MCTP2: variants seen among roughly 807,000 people sequenced by gnomAD.
MCTP2 encodes multiple C2 and transmembrane domain-containing protein 2.
Under a neutral mutation model 111.6 loss-of-function variants are expected in MCTP2, and 132 were observed. The observed-to-expected ratio is 1.18, with a 90% CI of 1.03 to 1.37. The LOEUF is 1.37. MCTP2 is among the 40% of genes most tolerant of loss of function. The pLI, the probability that MCTP2 is intolerant of heterozygous loss-of-function variation, is 0.00. For missense variants in MCTP2, 1,183 were observed against 1,067.9 expected (o/e 1.11, Z -1.50); for synonymous variants, 395 against 387.7 (o/e 1.02, Z -0.22).
rs553698896 is a variant in MCTP2, at chr15:94,418,485, G to A, written c.2085+16466G>A. Among the ~76,000 whole-genome samples the A allele has an allele frequency of 7.9e-5, 12 of 152,142 alleles. No individual in the cohort carries two copies. The South Asian group carries it at 2.5e-3, about 31-fold the overall frequency. On this transcript the variant is annotated intron_variant, in intron 17 of 22. Transcript: ENST00000357742. ...TTCAACTGCTCAATTACCACCTTCT[G>A]CAAAGACGTATAATGAGAAATTTAT...
rs538030688 is a variant in MCTP2 at position 94,243,157 on chromosome 15, G to A, written c.-66+11493G>A. On this transcript the variant is annotated intron_variant, in intron 1 of 22. Coordinates refer to ENST00000357742, the MANE Select transcript of MCTP2 (RefSeq NM_001385001.1). The stretch of plus-strand genomic sequence containing the variant: ...GGTGTGGATATATTTATATACGTGT[G>A]TGTATATACATACGTACGTATGTAC... 6.0e-4 allele frequency among the ~76,000 whole-genome samples: 88 copies of A among 147,430 alleles called. 3 individuals are homozygous for A. The highest frequency in any genetic ancestry group is 2.2e-3 in the African/African-American group (87 of 40,176).
chr15:94,389,316 G>C (rs2080723509), intron 14 of MCTP2, among the ~76,000 whole-genome samples: 1 of 152,028 alleles, frequency 6.6e-6, no homozygotes, highest in Non-Finnish European at 1.5e-5. Flanking sequence ...GGGAGCTCAG[G>C]GTGGGCATGG....
At chr15:94,316,868 C>T (rs184485841) in intron 4 of MCTP2, among the ~76,000 whole-genome samples, 75 of 152,068 alleles carry the variant, frequency 4.9e-4, no homozygotes, top group African/African-American at 1.4e-3. Flanking sequence ...GACGGTTTCT[C>T]CTGTTGCTTC....
rs1334220871 is a variant in MCTP2, at chr15:94,384,108, A to C, written c.1669A>C (p.Asn557His). The part of the protein sequence containing the change: ...TVYKNLNPEW[N>H]KVFTFPIKDI... ...CTACAAAAACCTCAACCCTGAATGG[A>C]ACAAAGTTTTTACATTGTAAGTGCT... The change falls in exon 13 of 23, where the codon AAC becomes CAC. Residue 557 changes from asparagine to histidine, a missense_variant. Transcript: ENST00000357742. The C allele has an allele frequency of 3.1e-6, 5 of 1,613,070 alleles. No individual in the cohort carries two copies. Among genetic ancestry groups the C allele is most frequent in the Non-Finnish European group, 4.2e-6 (5 of 1,179,380 alleles).
chr15:94,480,576 C>T lies in MCTP2; in HGVS notation c.*1542C>T, dbSNP rs181957822. 1 of 152,282 alleles carries T rather than the reference C, an allele frequency of 6.6e-6. No individual in the cohort carries two copies. Among genetic ancestry groups the T allele is most frequent in the Admixed American group, 6.5e-5 (1 of 15,296 alleles). The allele number at this position is 152,282 out of a possible 1,614,324, so 9.4% of individuals were successfully genotyped here. A position where few individuals can be genotyped will look rare whatever the true frequency, so the allele number is the denominator to read the frequency against. Reference sequence around the variant, plus strand: ...CGTAGTTGTACATACAATAGATACCCAAGAACCTCTTTTGTTAAACCAGTT... The same window carrying T: ...CGTAGTTGTACATACAATAGATACCTAAGAACCTCTTTTGTTAAACCAGTT... On this transcript the variant is annotated 3_prime_UTR_variant, in exon 23 of 23. Coordinates refer to ENST00000357742, the MANE Select transcript of MCTP2 (RefSeq NM_001385001.1).
At chr15:94,269,780 C>G (rs2073808361) in intron 1 of MCTP2, among the ~76,000 whole-genome samples, 1 of 152,170 alleles carries the variant, frequency 6.6e-6, no homozygotes, top group South Asian at 2.1e-4. Context: ...TTCAAGGACT[C>G]TCTGGGCTCA....
At chr15:94,477,217 C>A (rs2074438643) in intron 22 of MCTP2, among the ~76,000 whole-genome samples, 1 of 152,110 alleles carries the variant, frequency 6.6e-6, no homozygotes, top group South Asian at 2.1e-4. Flanking sequence ...TTCTCATTTG[C>A]CCTGATTTAT....
At chr15:94,295,355 ATCTG>A (rs146975572) in intron 1 of MCTP2, among the ~76,000 whole-genome samples, 3,391 of 152,142 alleles carry the variant, frequency 0.022, 146 homozygotes, top group African/African-American at 0.078. Flanking sequence ...CTTGTAATAT[ATCTG>A]TCTGTCTGTC....
At chr15:94,342,635 T>G in intron 7 of MCTP2, 1 of 151,758 alleles carries the variant, frequency 6.6e-6, no homozygotes, top group East Asian at 1.9e-4. Context: ...CAAATATATA[T>G]TTGTCTCCAT....
chr15:94,401,119 G>C (rs538684054), intron 16 of MCTP2, among the ~76,000 whole-genome samples: 2 of 152,118 alleles, frequency 1.3e-5, no homozygotes, highest in African/African-American at 4.8e-5. Context: ...AGACCTCCAC[G>C]TGGGGTGGCT....
At chr15:94,464,257 T>TATTATATATATATATATATATTATA (rs4001978) in intron 20 of MCTP2, among the ~76,000 whole-genome samples, 4 of 44,964 alleles carry the variant, frequency 8.9e-5, no homozygotes, top group Admixed American at 5.1e-4. Context: ...TATATATATA[T>TATTATATATATATATATATATTATA]TATATATATA....
chr15:94,305,670 A>G (rs1467374204), intron 2 of MCTP2, among the ~76,000 whole-genome samples: 1 of 152,060 alleles, frequency 6.6e-6, no homozygotes, highest in East Asian at 1.9e-4. Flanking sequence ...ATGTATATTG[A>G]TTCATATTAT....
At chr15:94,303,013 C>A (rs2075698032) in intron 2 of MCTP2, among the ~76,000 whole-genome samples, 1 of 125,966 alleles carries the variant, frequency 7.9e-6, no homozygotes. Context: ...AGAGCATGGA[C>A]AAGGAAACTC....
At position 94,399,771 on chromosome 15, in the gene MCTP2, A is replaced by G. The variant is rs2081465933; in HGVS notation, c.1891-150A>G. 9 of 651,426 alleles carry G rather than the reference A, an allele frequency of 1.4e-5. No individual in the cohort carries two copies. In the East Asian group the frequency reaches 2.4e-4, roughly 17 times the overall value. 40.4% of individuals were successfully genotyped at this position (651,426 alleles called of 1,614,324 possible). ...AAATGAGACCTCCAGAAACATGTAC[A>G]GGGCACAGGGGTGTCCACCATTTCT... On this transcript the variant is annotated intron_variant, in intron 15 of 22. Coordinates refer to ENST00000357742, the MANE Select transcript of MCTP2 (RefSeq NM_001385001.1).
intron 1 of MCTP2, among the ~76,000 whole-genome samples, chr15:94,248,806 C>T (rs2072201976): frequency 6.6e-6 from 1 of 152,182 alleles, no homozygotes; most frequent in African/African-American, 2.4e-5. Flanking sequence ...AGAACCCTTC[C>T]TGCTCAGTCC....
chr15:94,359,545 T>C (rs891351402), intron 10 of MCTP2, among the ~76,000 whole-genome samples: 2 of 152,158 alleles, frequency 1.3e-5, no homozygotes, highest in African/African-American at 4.8e-5. Context: ...CCTTGAGGAA[T>C]GGGAGGGCCT....
chr15:94,474,776 G>A lies in MCTP2; in HGVS notation c.2471-1920G>A, dbSNP rs546285421. On this transcript the variant is annotated intron_variant, in intron 21 of 22. Coordinates refer to ENST00000357742, the MANE Select transcript of MCTP2 (RefSeq NM_001385001.1). ...GAGTTGTGAATAGGGCAAAATTATT[G>A]AAACTTTTGATCCTGGACACCTTCA... Among the ~76,000 whole-genome samples, 8 of 152,120 alleles carry A rather than the reference G, an allele frequency of 5.3e-5. No individual in the cohort carries two copies. In the South Asian group the frequency reaches 1.4e-3, roughly 28 times the overall value.
In MCTP2 at chr15:94,482,379, T is replaced by G. The variant is rs2074770144; in HGVS notation, c.*3345T>G. ...AAAAGTAAGTAGAATTGAGAGATGGTGAAGAGATAAAGTGAGCAGGACTTA... is the reference window on the plus strand; with the variant it reads ...AAAAGTAAGTAGAATTGAGAGATGGGGAAGAGATAAAGTGAGCAGGACTTA... On this transcript the variant is annotated 3_prime_UTR_variant, in exon 23 of 23. Transcript: ENST00000357742. 6.6e-6 allele frequency: 1 copy of G among 152,098 alleles called. No individual in the cohort carries two copies. The highest frequency in any genetic ancestry group is 1.5e-5 in the Non-Finnish European group (1 of 68,038). 9.4% of individuals were successfully genotyped at this position (152,098 alleles called of 1,614,324 possible).
intron 17 of MCTP2, among the ~76,000 whole-genome samples, chr15:94,407,514 A>G (rs1190202645): frequency 2.0e-5 from 3 of 152,218 alleles, no homozygotes. Flanking sequence ...TTTTGAGTAT[A>G]GGGAAATAAA....
Sources: allele counts gnomAD v4.1 joint callset (sites outside exome capture counted in the v4.1 genomes callset), GRCh38; gene constraint gnomAD v4.1.1; transcripts MANE v1.5; gene names NCBI Gene and HGNC (gene_info 2026-07-23, HGNC 2026-07-21).